ACTN2: variants seen among roughly 807,000 people sequenced by gnomAD.
The protein encoded by ACTN2 is alpha-actinin-2.
In ACTN2, 39 loss-of-function variants were observed where a neutral mutation model predicts 113.8. The ratio of observed to expected loss-of-function variants is 0.34; its 90% confidence interval spans 0.27 to 0.45. ACTN2 has a LOEUF of 0.45. Among genes scored for constraint, ACTN2 ranks in the 20% least tolerant of loss-of-function variants. The probability of loss-of-function intolerance (pLI) is 1.00; values close to 1 mark genes in which losing one functional copy is unlikely to be tolerated. For synonymous variants in ACTN2, 429 were observed against 444.1 expected (o/e 0.97, Z 0.43); for missense variants, 992 against 1,177.9 (o/e 0.84, Z 2.31).
intron 12 of ACTN2, among the ~76,000 whole-genome samples, chr1:236,745,230 C>T (rs888407310): frequency 6.6e-6 from 1 of 151,904 alleles, no homozygotes; most frequent in Non-Finnish European, 1.5e-5. Flanking sequence ...GTCAGGAGAT[C>T]GAGACCATCC....
Position 236,761,181 on chromosome 1 carries a change from T to C in ACTN2, c.2526+8T>C, listed in dbSNP as rs760086675. 99 of 1,614,018 alleles carry C rather than the reference T, an allele frequency of 6.1e-5. No individual in the cohort carries two copies. The highest frequency in any genetic ancestry group is 1.5e-4 in the South Asian group (14 of 91,074). On this transcript the variant is annotated splice_region_variant and intron_variant, in intron 20 of 20. Transcript: ENST00000366578. Reference sequence around the variant, plus strand: ...ATCCTGGCTTCTGATAAGGTCTGCATTGACAGATTTCCTTCTGCTTTAGCA... The same window carrying C: ...ATCCTGGCTTCTGATAAGGTCTGCACTGACAGATTTCCTTCTGCTTTAGCA...
intron 3 of ACTN2, 142 bp downstream of exon 3, chr1:236,719,155 G>A (rs908976310): frequency 4.4e-5 from 50 of 1,143,714 alleles, no homozygotes; most frequent in Middle Eastern, 2.8e-4. Context: ...TAGGGCGCTC[G>A]GTGCACAAAG....
Position 236,731,259 on chromosome 1 carries a change from G to A in ACTN2, c.642G>A (p.Leu214=), listed in dbSNP as rs558330657. 17 of 1,613,674 alleles carry A rather than the reference G, an allele frequency of 1.1e-5. No homozygotes were observed. The African/African-American group carries it at 2.3e-4, about 22-fold the overall frequency. ...ATGACCCCATAGGAAATATTAACCT[G>A]GCCATGGAAATCGCTGAGAAGCACC... is the stretch of plus-strand genomic sequence containing the variant. ...NKDDPIGNIN[L]AMEIAEKHLD... is the part of the protein sequence containing the mutation. Residue 214 remains leucine, a synonymous_variant, in exon 7 of 21, where the codon CTG becomes CTA. Coordinates refer to ENST00000366578, the MANE Select transcript of ACTN2 (RefSeq NM_001103.4).
intron 1 of ACTN2, among the ~76,000 whole-genome samples, chr1:236,707,704 T>C (rs1195157813): frequency 2.6e-5 from 3 of 113,830 alleles, no homozygotes; most frequent in African/African-American, 9.8e-5. Context: ...TCTTTTCTTT[T>C]TTTTCTTTTT....
chr1:236,720,015 A>G (rs1009695107), intron 3 of ACTN2, 90 bp from the exon 4 acceptor site: 8 of 871,024 alleles, frequency 9.2e-6, no homozygotes, highest in African/African-American at 1.6e-5. Flanking sequence ...ACATTTTCCA[A>G]TAGCTCTGAA....
intron 1 of ACTN2, among the ~76,000 whole-genome samples, chr1:236,696,849 A>G (rs1476416617): frequency 6.6e-6 from 1 of 152,144 alleles, no homozygotes; most frequent in East Asian, 1.9e-4. Context: ...TATTTCTAGT[A>G]GAGATGGGGT....
At chr1:236,753,339 C>G (rs1310620603) in intron 15 of ACTN2, among the ~76,000 whole-genome samples, 4 of 152,182 alleles carry the variant, frequency 2.6e-5, no homozygotes, top group Admixed American at 2.6e-4. Flanking sequence ...CGTTTAAAAC[C>G]AAGAACTAAC....
At chr1:236,700,396 G>A (rs903041599) in intron 1 of ACTN2, among the ~76,000 whole-genome samples, 12 of 152,134 alleles carry the variant, frequency 7.9e-5, no homozygotes, top group Admixed American at 2.0e-4. Flanking sequence ...CAATAACCCT[G>A]TTGTCTAATT....
intron 1 of ACTN2, among the ~76,000 whole-genome samples, chr1:236,688,652 G>A (rs1665959875): frequency 1.3e-5 from 2 of 152,078 alleles, no homozygotes; most frequent in South Asian, 4.1e-4. Flanking sequence ...TTTTTTTTAA[G>A]ATAGTTTGAA....
At chr1:236,737,260 G>C (rs749616151) in intron 9 of ACTN2, 46 bp downstream of exon 9, 1 of 1,289,980 alleles carries the variant, frequency 7.8e-7, no homozygotes, top group Admixed American at 2.0e-5. Flanking sequence ...CTCACGCAGG[G>C]GCTGAGGCAC....
At chr1:236,737,301 A>ATGTG in intron 9 of ACTN2, 87 bp downstream of exon 9, 1 of 232,840 alleles carries the variant, frequency 4.3e-6, no homozygotes, top group East Asian at 8.2e-5. Flanking sequence ...GTGGGGGCAT[A>ATGTG]TATATATATA....
At chr1:236,711,453 C>T (rs1020943690) in intron 1 of ACTN2, among the ~76,000 whole-genome samples, 2 of 152,154 alleles carry the variant, frequency 1.3e-5, no homozygotes, top group African/African-American at 2.4e-5. Context: ...TGGGTTCAAG[C>T]GATTCTTGCC....
At chr1:236,710,899 C>A (rs879522673) in intron 1 of ACTN2, among the ~76,000 whole-genome samples, 1 of 152,138 alleles carries the variant, frequency 6.6e-6, no homozygotes, top group Admixed American at 6.6e-5. Context: ...TTCCCTACCC[C>A]CCACCCGTGG....
At chr1:236,758,624 T>TTGTTTTGTTC (rs1553304872) in intron 18 of ACTN2, among the ~76,000 whole-genome samples, 2 of 150,238 alleles carry the variant, frequency 1.3e-5, no homozygotes, top group East Asian at 2.0e-4. Context: ...TTGTTTTGTT[T>TTGTTTTGTTC]TGTTCTGTTT....
At chr1:236,711,384 T>A (rs1658020412) in intron 1 of ACTN2, among the ~76,000 whole-genome samples, 1 of 152,214 alleles carries the variant, frequency 6.6e-6, no homozygotes, top group Admixed American at 6.5e-5. Flanking sequence ...AGAGGCTCAC[T>A]CTGTTGCCTA....
At chr1:236,717,589 A>T (rs1658260356) in intron 1 of ACTN2, among the ~76,000 whole-genome samples, 1 of 152,222 alleles carries the variant, frequency 6.6e-6, no homozygotes, top group Non-Finnish European at 1.5e-5. Context: ...ATACAGGTAT[A>T]AATGTGGTGT....
At chr1:236,744,977 C>G (rs1659183795) in intron 12 of ACTN2, among the ~76,000 whole-genome samples, 1 of 152,158 alleles carries the variant, frequency 6.6e-6, no homozygotes, top group Non-Finnish European at 1.5e-5. Context: ...GTCCTACCAT[C>G]CAGCAGCACC....
chr1:236,697,934 A>G (rs377491257), intron 1 of ACTN2, among the ~76,000 whole-genome samples: 1 of 127,258 alleles, frequency 7.9e-6, no homozygotes, highest in African/African-American at 3.0e-5. Context: ...TAATTTTCGT[A>G]TTTTTTTTTT....
chr1:236,699,148 T>C (rs1333840237), intron 1 of ACTN2, among the ~76,000 whole-genome samples: 2 of 152,242 alleles, frequency 1.3e-5, no homozygotes, highest in South Asian at 2.1e-4. Flanking sequence ...CACTAAACTT[T>C]ATCTGTTTTT....
Sources: gnomAD v4.1 joint callset for allele counts (sites outside exome capture counted in the v4.1 genomes callset) on GRCh38, gnomAD v4.1.1 for gene constraint, MANE v1.5 for transcripts, NCBI Gene and HGNC (gene_info 2026-07-23, HGNC 2026-07-21) for gene names.